IFRD1: variants seen among roughly 807,000 people sequenced by gnomAD.
IFRD1 encodes interferon related developmental regulator 1, also known as interferon-related developmental regulator 1.
IFRD1 carries 35 observed loss-of-function variants against 52.9 expected under a neutral mutation model. That is an observed-to-expected ratio of 0.66 (90% CI 0.51 to 0.88). The LOEUF (loss-of-function observed/expected upper bound fraction) is 0.88. Ranked by LOEUF, IFRD1 falls within the 40% of genes least tolerant of loss-of-function variation. IFRD1 has a pLI of 0.00. For synonymous variants in IFRD1, 184 were observed against 188.4 expected, an observed-to-expected ratio of 0.98 and a Z score of 0.19; for missense variants, 517 against 550.8, an observed-to-expected ratio of 0.94 and a Z score of 0.61.
intron 1 of IFRD1, chr7:112,435,470 T>G (rs1388948646): frequency 2.0e-5 from 3 of 152,256 alleles, no homozygotes; most frequent in Admixed American, 6.5e-5. Flanking sequence ...GTCTTCAATT[T>G]CACAGACTAT....
Position 112,472,278 on chromosome 7 carries a change from C to A in IFRD1, c.1101C>A (p.Cys367Ter). Residue 367 changes from cysteine (C) to a stop codon, truncating the protein, a stop_gained, in exon 10 of 12, where the codon TGC becomes TGA. Transcript: ENST00000403825. LOFTEE classifies it high-confidence loss of function. ...KFGPERMYID[C>*]WVKKHTYDTF... ...GTCCTGAACGCATGTATATTGATTG[C>A]TGGGTAAAAAAACACACCTATGACA... 1 of 1,613,860 alleles carries A rather than the reference C, an allele frequency of 6.2e-7. No homozygotes were observed. The highest frequency in any genetic ancestry group is 8.5e-7 in the Non-Finnish European group (1 of 1,179,812).
chr7:112,461,477 C>T (rs1281805582), intron 5 of IFRD1: 1 of 157,522 alleles, frequency 6.3e-6, no homozygotes, highest in African/African-American at 2.4e-5. Context: ...GGGGATAGTT[C>T]ACCCTTTCAG....
chr7:112,461,708 A>G (rs1211583275), intron 5 of IFRD1, 158 bp from the exon 6 acceptor site: 11 of 435,210 alleles, frequency 2.5e-5, no homozygotes, highest in Non-Finnish European at 4.4e-5. Context: ...TCTTAGTTCA[A>G]TATTCTTTCT....
In IFRD1 at chr7:112,462,491, C is replaced by T. The variant is rs1020805017; in HGVS notation, c.906+113C>T. The T allele has an allele frequency of 1.5e-4, 117 of 759,218 alleles. 1 individual carries two copies. The Admixed American group carries it at 2.3e-3, about 15-fold the overall frequency. 47.0% of individuals were successfully genotyped at this position (759,218 alleles called of 1,614,324 possible). On this transcript the variant is annotated intron_variant, in intron 8 of 11. Transcript: ENST00000403825. Reference sequence around the variant, plus strand: ...TTTGGAACATGGCCAGCTTGAGAACCCAGTGATTTATTTCCCTACTTCTTG... The same window carrying T: ...TTTGGAACATGGCCAGCTTGAGAACTCAGTGATTTATTTCCCTACTTCTTG...
rs769577724 is a variant in IFRD1 at position 112,467,984 on chromosome 7, T to A, written c.910T>A (p.Phe304Ile). The change falls in exon 9 of 12, where the codon TTT becomes ATT. Residue 304 changes from phenylalanine to isoleucine, a missense_variant. Phe to Ile is a conservative substitution (Grantham distance 21, BLOSUM62 0). Coordinates refer to ENST00000403825, the MANE Select transcript of IFRD1 (RefSeq NM_001550.4). ...CAAAATTGCTTTTCTTGTCCAGGAC[T>A]TTTTTTATGAAGACATGGAGTCCTT... ...FELARGIESD[F>I]FYEDMESLTQ... 1.2e-6 allele frequency: 2 copies of A among 1,612,898 alleles called. No individual in the cohort carries two copies. Among genetic ancestry groups the A allele is most frequent in the East Asian group, 4.5e-5 (2 of 44,856 alleles).
At chr7:112,446,559 G>A (rs1584480787), upstream of IFRD1, among the ~76,000 whole-genome samples, 1 of 152,160 alleles carries the variant, frequency 6.6e-6, no homozygotes, top group South Asian at 2.1e-4. Flanking sequence ...AATATAAGCA[G>A]GGTGGAGGTG....
intron 9 of IFRD1, among the ~76,000 whole-genome samples, chr7:112,468,591 C>T (rs897681390): frequency 6.6e-6 from 1 of 152,158 alleles, no homozygotes; most frequent in Non-Finnish European, 1.5e-5. Flanking sequence ...CCTCCGCCTC[C>T]CGGGTTCAAG....
intron 1 of IFRD1, among the ~76,000 whole-genome samples, chr7:112,433,401 A>G (rs886408786): frequency 6.6e-6 from 1 of 152,148 alleles, no homozygotes; most frequent in Admixed American, 6.5e-5. Context: ...GAGCCAGTTT[A>G]TCCATCTGCG....
chr7:112,450,781 A>T lies in IFRD1; in HGVS notation c.93A>T (p.Ala31=). The change falls in exon 1 of 12, where the codon GCA becomes GCT. Residue 31 remains alanine (A), a splice_region_variant and synonymous_variant. Coordinates refer to ENST00000403825, the MANE Select transcript of IFRD1 (RefSeq NM_001550.4). ...SGAAAATAAT[A]GGQHRNVQPF... ...CAGCCGCAGCGACGGCGGCGACAGC[A>T]GGTAAGGGGTATCCCCGCCGCCGGC... is the stretch of plus-strand genomic sequence containing the variant. 3 of 1,609,550 alleles carry T rather than the reference A, an allele frequency of 1.9e-6. No individual in the cohort carries two copies. Among genetic ancestry groups the T allele is most frequent in the South Asian group, 2.2e-5 (2 of 90,964 alleles).
rs145564103 is a variant in IFRD1, at chr7:112,468,024, G to C, written c.950G>C (p.Arg317Thr). The C allele has an allele frequency of 6.2e-7, 1 of 1,614,026 alleles. No homozygotes were observed. The highest frequency in any genetic ancestry group is 8.5e-7 in the Non-Finnish European group (1 of 1,179,946). Residue 317 changes from arginine (R) to threonine (T), a missense_variant, in exon 9 of 12, where the codon AGG becomes ACG. Coordinates refer to ENST00000403825, the MANE Select transcript of IFRD1 (RefSeq NM_001550.4). ...ATGGAGTCCTTGACGCAGATGCTTAGGGCCTTGGCAACAGATGGAAATAAA... is the reference window on the plus strand; with the variant it reads ...ATGGAGTCCTTGACGCAGATGCTTACGGCCTTGGCAACAGATGGAAATAAA... ...EDMESLTQMLRALATDGNKHR... is the reference protein window; with the variant it reads ...EDMESLTQMLTALATDGNKHR...
At chr7:112,472,989 G>A in intron 11 of IFRD1, 128 bp downstream of exon 11, 1 of 703,554 alleles carries the variant, frequency 1.4e-6, no homozygotes, top group Non-Finnish European at 2.6e-6. Context: ...ACATAGAATA[G>A]CTGTACTAAA....
intron 8 of IFRD1, among the ~76,000 whole-genome samples, chr7:112,466,130 C>G (rs1195905280): frequency 2.0e-5 from 3 of 151,840 alleles, no homozygotes; most frequent in African/African-American, 7.3e-5. Context: ...GAGCTCATTT[C>G]TTATTTGTCC....
chr7:112,474,185 G>A (rs942375736), intron 11 of IFRD1, among the ~76,000 whole-genome samples: 3 of 152,118 alleles, frequency 2.0e-5, no homozygotes, highest in South Asian at 2.1e-4. Flanking sequence ...TCTTTTGGCC[G>A]TTGTGAATAG....
chr7:112,440,729 CAA>C (rs1239351266), intron 1 of IFRD1, among the ~76,000 whole-genome samples: 1 of 152,110 alleles, frequency 6.6e-6, no homozygotes, highest in Non-Finnish European at 1.5e-5. Context: ...TCTGGAACTC[CAA>C]GAGACACTAA....
At position 112,471,642 on chromosome 7, in the gene IFRD1, C is replaced by T. The variant is rs912570738; in HGVS notation, c.1042-577C>T. Among the ~76,000 whole-genome samples the T allele has an allele frequency of 5.9e-5, 9 of 152,166 alleles. No individual in the cohort carries two copies. In the East Asian group the frequency reaches 1.5e-3, roughly 26 times the overall value. ...TTTGGGCTGCACTCCCATGGTTACA[C>T]CTTCGAAATGGTCTTCTGACAGAAT... On this transcript the variant is annotated intron_variant, in intron 9 of 11. Coordinates refer to ENST00000403825, the MANE Select transcript of IFRD1 (RefSeq NM_001550.4).
At chr7:112,426,306 A>C (rs191795858) in intron 1 of IFRD1, among the ~76,000 whole-genome samples, 1 of 152,308 alleles carries the variant, frequency 6.6e-6, no homozygotes, top group East Asian at 1.9e-4. Context: ...TTGAGTATGG[A>C]CATTTGGCCA....
At chr7:112,442,673 G>A (rs1490536068) in intron 1 of IFRD1, among the ~76,000 whole-genome samples, 1 of 152,150 alleles carries the variant, frequency 6.6e-6, no homozygotes, top group African/African-American at 2.4e-5. Context: ...TGAGAGGGAC[G>A]GACAGCCACG....
intron 1 of IFRD1, chr7:112,435,403 G>A (rs1794651031): frequency 6.6e-6 from 1 of 152,182 alleles, no homozygotes; most frequent in Non-Finnish European, 1.5e-5. Flanking sequence ...AGATCATTAA[G>A]TGTTTGACTG....
intron 1 of IFRD1, among the ~76,000 whole-genome samples, chr7:112,440,962 C>T (rs1794869103): frequency 6.6e-6 from 1 of 151,992 alleles, no homozygotes; most frequent in South Asian, 2.1e-4. Context: ...ATGGCAAAAC[C>T]CCGTCTCTAC....
Sources: gnomAD v4.1 joint callset for allele counts (sites outside exome capture counted in the v4.1 genomes callset) on GRCh38, gnomAD v4.1.1 for gene constraint, MANE v1.5 for transcripts, NCBI Gene and HGNC (gene_info 2026-07-23, HGNC 2026-07-21) for gene names.